Variants in BPIFA2 observed in about 807,000 individuals in gnomAD.
BPIFA2 encodes the protein BPI fold containing family A member 2.
Under a neutral mutation model 25.7 loss-of-function variants are expected in BPIFA2, and 20 were observed. The observed-to-expected ratio is 0.78, with a 90% CI of 0.55 to 1.13. The LOEUF (loss-of-function observed/expected upper bound fraction) is 1.13. Among genes scored for constraint, BPIFA2 ranks in the 50% most tolerant of loss-of-function variants. BPIFA2 has a pLI of 0.00. For synonymous variants in BPIFA2, 126 were observed against 124.3 expected, an observed-to-expected ratio of 1.01 and a Z score of -0.09; for missense variants, 300 against 298.1, an observed-to-expected ratio of 1.01 and a Z score of -0.05.
rs752634093 is a variant in BPIFA2, at chr20:33,180,485, G to A, written c.710-35G>A. 1.9e-6 allele frequency: 3 copies of A among 1,602,442 alleles called. No homozygotes were observed. The Admixed American group carries it at 5.0e-5, about 27-fold the overall frequency. On this transcript the variant is annotated intron_variant, in intron 7 of 8. Transcript: ENST00000354932. ...TGGTCTCTATTCAATTCCAGTGGCA[G>A]AGACTAAGGCCTGCTATTGATTTTG...
Position 33,175,311 on chromosome 20 carries a change from G to A in BPIFA2, c.411-96G>A, listed in dbSNP as rs189963074. The stretch of plus-strand genomic sequence containing the variant: ...CTGGGCCATGTTGACATTACACATA[G>A]ACATTCTGACTCATGTCCACACAGG... On this transcript the variant is annotated intron_variant, in intron 4 of 8. Transcript: ENST00000354932. 415 of 1,230,034 alleles carry A rather than the reference G, an allele frequency of 3.4e-4. 1 individual carries two copies. The African/African-American group carries it at 5.5e-3, about 16-fold the overall frequency. The allele number at this position is 1,230,034 out of a possible 1,614,324, so 76.2% of individuals were successfully genotyped here.
At chr20:33,170,644 T>C (rs985288495) in intron 2 of BPIFA2, among the ~76,000 whole-genome samples, 4 of 152,220 alleles carry the variant, frequency 2.6e-5, no homozygotes, top group African/African-American at 9.7e-5. Flanking sequence ...TCCTCCTGCC[T>C]TGGCCTCCCG....
At chr20:33,169,815 T>C (rs1202729077) in intron 2 of BPIFA2, among the ~76,000 whole-genome samples, 1 of 152,232 alleles carries the variant, frequency 6.6e-6, no homozygotes, top group East Asian at 1.9e-4. Flanking sequence ...ATTTTTCTTT[T>C]GGGTTGTTTA....
In BPIFA2 at chr20:33,179,686, G is replaced by A. The variant is rs201300851; in HGVS notation, c.709+19G>A. On this transcript the variant is annotated intron_variant, in intron 7 of 8. Coordinates refer to ENST00000354932, the MANE Select transcript of BPIFA2 (RefSeq NM_080574.4). ...GTCGTCGGTAAGTCAATGGGGAAGT[G>A]GGGACCTTCTGAGGCAGGCATGGAG... 9.4e-6 allele frequency: 15 copies of A among 1,595,036 alleles called. No individual in the cohort carries two copies. The East Asian group carries it at 2.9e-4, about 31-fold the overall frequency.
chr20:33,169,287 G>A lies in BPIFA2; in HGVS notation c.142G>A (p.Asp48Asn). 1 of 1,614,040 alleles carries A rather than the reference G, an allele frequency of 6.2e-7. No individual in the cohort carries two copies. Among genetic ancestry groups the A allele is most frequent in the Non-Finnish European group, 8.5e-7 (1 of 1,179,910 alleles). Residue 48 changes from aspartate to asparagine, a missense_variant, in exon 2 of 9, where the codon GAC becomes AAC. Asp to Asn is a conservative substitution (Grantham distance 23). Coordinates refer to ENST00000354932, the MANE Select transcript of BPIFA2 (RefSeq NM_080574.4). The stretch of plus-strand genomic sequence containing the variant: ...TCTTCACGAGGGACTTGAGACAGTT[G>A]ACAATACTCTTAAAGGTAAATCAAC... ...PVLHEGLETVDNTLKGILEKL... is the reference protein window; with the variant it reads ...PVLHEGLETVNNTLKGILEKL...
Position 33,175,536 on chromosome 20 carries a change from C to G in BPIFA2, c.540C>G (p.Ser180Arg). The G allele has an allele frequency of 6.2e-7, 1 of 1,614,074 alleles. No homozygotes were observed. The highest frequency in any genetic ancestry group is 2.2e-5 in the East Asian group (1 of 44,868). ...VLGECASDPT[S>R]ISLSLLDKHS... ...GAGAATGCGCCAGTGACCCAACCAG[C>G]ATCTCACTTTCCTTGCTGGACAAGT... The change falls in exon 5 of 9, where the codon AGC (serine) becomes AGG (arginine). Residue 180 changes from serine (S) to arginine (R), a missense_variant. By Grantham distance (110) the Ser-to-Arg change is moderately radical. Coordinates refer to ENST00000354932, the MANE Select transcript of BPIFA2 (RefSeq NM_080574.4).
Position 33,179,676 on chromosome 20 carries a change from A to C in BPIFA2, c.709+9A>C. The C allele has an allele frequency of 6.2e-7, 1 of 1,604,818 alleles. No individual in the cohort carries two copies. The highest frequency in any genetic ancestry group is 8.5e-7 in the Non-Finnish European group (1 of 1,171,826). On this transcript the variant is annotated intron_variant, in intron 7 of 8. Transcript: ENST00000354932. ...CATTCAGCAGGTCGTCGGTAAGTCA[A>C]TGGGGAAGTGGGGACCTTCTGAGGC...
chr20:33,166,023 G>A (rs1280162784), upstream of BPIFA2, among the ~76,000 whole-genome samples: 1 of 151,730 alleles, frequency 6.6e-6, no homozygotes, highest in African/African-American at 2.4e-5. Flanking sequence ...TTTTATTTTT[G>A]TTTGTTTGTT....
At chr20:33,164,579 T>G (rs1983670665), upstream of BPIFA2, among the ~76,000 whole-genome samples, 1 of 151,896 alleles carries the variant, frequency 6.6e-6, no homozygotes, top group Non-Finnish European at 1.5e-5. Flanking sequence ...CTTTCTTTCT[T>G]TCTTCCTTCC....
intron 1 of BPIFA2, among the ~76,000 whole-genome samples, chr20:33,168,573 A>T (rs906676503): frequency 6.6e-6 from 1 of 152,210 alleles, no homozygotes; most frequent in African/African-American, 2.4e-5. Flanking sequence ...TTCAACAAAG[A>T]TTTATTCGTT....
chr20:33,172,993 G>A lies in BPIFA2; in HGVS notation c.219G>A (p.Leu73=). ...TTCAGAAATCCAGTGCTTGGCAACT[G>A]GCCAAGCAGAAGGCCCAGGAAGCTG... ...GVLQKSSAWQ[L]AKQKAQEAEK... is the part of the protein sequence containing the mutation. Residue 73 remains leucine, a synonymous_variant, in exon 3 of 9, where the codon CTG becomes CTA. Coordinates refer to ENST00000354932, the MANE Select transcript of BPIFA2 (RefSeq NM_080574.4). 5.0e-6 allele frequency: 8 copies of A among 1,613,962 alleles called. No individual in the cohort carries two copies. The highest frequency in any genetic ancestry group is 6.8e-6 in the Non-Finnish European group (8 of 1,179,914).
At position 33,179,596 on chromosome 20, in the gene BPIFA2, G is replaced by A. The variant is rs542488787; in HGVS notation, c.646-8G>A. 59 of 1,605,682 alleles carry A rather than the reference G, an allele frequency of 3.7e-5. 1 individual carries two copies. The South Asian group carries it at 4.6e-4, about 13-fold the overall frequency. ...TGACCCTCCTCTTCCTCCTTTCTCC[G>A]CTGTCAGATATGTCCACTGATCCGC... On this transcript the variant is annotated splice_polypyrimidine_tract_variant and splice_region_variant and intron_variant, in intron 6 of 8. Coordinates refer to ENST00000354932, the MANE Select transcript of BPIFA2 (RefSeq NM_080574.4).
At chr20:33,172,395 T>A (rs1410298139) in intron 2 of BPIFA2, among the ~76,000 whole-genome samples, 1 of 143,894 alleles carries the variant, frequency 6.9e-6, no homozygotes, top group Non-Finnish European at 1.5e-5. Flanking sequence ...TCCCGGAACT[T>A]AAAGTTAAAA....
chr20:33,169,805 A>AT (rs1983841032), intron 2 of BPIFA2, among the ~76,000 whole-genome samples: 1 of 151,918 alleles, frequency 6.6e-6, no homozygotes, highest in Non-Finnish European at 1.5e-5. Flanking sequence ...TTCTTAGCAT[A>AT]TTTTTCTTTT....
intron 1 of BPIFA2, among the ~76,000 whole-genome samples, chr20:33,162,408 A>G (rs1041623147): frequency 2.6e-5 from 4 of 152,200 alleles, no homozygotes; most frequent in African/African-American, 4.8e-5. Flanking sequence ...GATTTTAGAG[A>G]GCAGAAGACA....
intron 5 of BPIFA2, among the ~76,000 whole-genome samples, chr20:33,177,669 T>G (rs1418885975): frequency 6.6e-6 from 1 of 152,138 alleles, no homozygotes; most frequent in Non-Finnish European, 1.5e-5. Flanking sequence ...ATAGCAAAGC[T>G]CTCTCTTAGG....
At position 33,174,203 on chromosome 20, in the gene BPIFA2, A is replaced by T; in HGVS notation, c.410+17A>T. The T allele has an allele frequency of 2.5e-6, 4 of 1,611,822 alleles. No individual in the cohort carries two copies. Among genetic ancestry groups the T allele is most frequent in the Non-Finnish European group, 2.5e-6 (3 of 1,177,936 alleles). On this transcript the variant is annotated intron_variant, in intron 4 of 8. Transcript: ENST00000354932. ...TGTGGCCGGGTGAGTATGCACTAGA[A>T]TCTGAGATTTGGGAAAGGCAGTGCA...
chr20:33,164,488 T>G (rs1183743564), upstream of BPIFA2, among the ~76,000 whole-genome samples: 2 of 152,024 alleles, frequency 1.3e-5, no homozygotes, highest in East Asian at 3.9e-4. Context: ...GAGACGTGGC[T>G]GACCTCCCTC....
chr20:33,169,351 A>G (rs1473752069), intron 2 of BPIFA2, 49 bp downstream of exon 2: 1 of 1,582,518 alleles, frequency 6.3e-7, no homozygotes, highest in Admixed American at 1.7e-5. Flanking sequence ...AGCCTCCTAA[A>G]CACTATGCCT....
Sources: allele counts gnomAD v4.1 joint callset (sites outside exome capture counted in the v4.1 genomes callset), GRCh38; gene constraint gnomAD v4.1.1; transcripts MANE v1.5; gene names NCBI Gene and HGNC (gene_info 2026-07-23, HGNC 2026-07-21).